The following CBFA2T3 variants were observed in gnomAD, a reference collection of about 807,000 sequenced individuals.
CBFA2T3 encodes transcriptional corepressor CBFA2T3.
CBFA2T3 carries 31 observed loss-of-function variants against 58.6 expected under a neutral mutation model. The observed-to-expected ratio is 0.53, with a 90% confidence interval of 0.40 to 0.71. The LOEUF (loss-of-function observed/expected upper bound fraction) is 0.71. Ranked by LOEUF, CBFA2T3 falls within the 30% of genes least tolerant of loss-of-function variation. The probability of loss-of-function intolerance (pLI) is 0.00; values close to 1 mark genes in which losing one functional copy is unlikely to be tolerated. For missense variants in CBFA2T3, 1,076 were observed against 963.1 expected, an observed-to-expected ratio of 1.12 and a Z score of -1.55; for synonymous variants, 531 against 421.9, an observed-to-expected ratio of 1.26 and a Z score of -3.17.
chr16:88,882,620 G>T, intron 8 of CBFA2T3, 56 bp downstream of exon 8: 2 of 1,119,330 alleles, frequency 1.8e-6, no homozygotes, highest in Non-Finnish European at 1.3e-6. Flanking sequence ...CTGTGTGTGT[G>T]CGTGGCTGTG....
At chr16:88,945,701 C>T (rs1374672578) in intron 1 of CBFA2T3, among the ~76,000 whole-genome samples, 1 of 152,178 alleles carries the variant, frequency 6.6e-6, no homozygotes, top group Non-Finnish European at 1.5e-5. Flanking sequence ...GCAACAGGAG[C>T]TGTCATTCAT....
intron 1 of CBFA2T3, among the ~76,000 whole-genome samples, chr16:88,943,094 C>T (rs1012081860): frequency 3.9e-5 from 6 of 152,240 alleles, no homozygotes; most frequent in African/African-American, 1.2e-4. Flanking sequence ...AACATTCTGC[C>T]GGTGATAATC....
At chr16:88,937,191 A>G (rs1007703933) in intron 1 of CBFA2T3, 2 of 152,258 alleles carry the variant, frequency 1.3e-5, no homozygotes, top group South Asian at 2.1e-4. Context: ...CAGGAAAGTC[A>G]GGAGGTGGAG....
chr16:88,949,675 T>A (rs988255199), intron 1 of CBFA2T3, among the ~76,000 whole-genome samples: 1 of 151,412 alleles, frequency 6.6e-6, no homozygotes, highest in Non-Finnish European at 1.5e-5. Flanking sequence ...GCACTCAAAA[T>A]AACGCTCAAC....
intron 1 of CBFA2T3, chr16:88,941,308 G>A (rs1168111403): frequency 3.1e-6 from 1 of 323,880 alleles, no homozygotes; most frequent in African/African-American, 2.3e-5. Flanking sequence ...TCCAGCCGCC[G>A]CGCCTGTGGC....
intron 1 of CBFA2T3, among the ~76,000 whole-genome samples, chr16:88,907,975 G>A (rs1970395170): frequency 6.6e-6 from 1 of 152,212 alleles, no homozygotes; most frequent in South Asian, 2.1e-4. Context: ...AAGAGGACAG[G>A]GAGAGAGTGC....
In CBFA2T3 at chr16:88,952,174, GC is replaced by G. The variant is rs561433945; in HGVS notation, c.151+24482del. On this transcript the variant is annotated intron_variant, in intron 1 of 11. Transcript: ENST00000268679. ...GAGACAGAGAGACTAATTTTTATCA[GC>G]CAGATACCTGGCCAGGCCCCAGGGT... is the stretch of plus-strand genomic sequence containing the variant. Among the ~76,000 whole-genome samples, 454 of 152,060 alleles carry G rather than the reference GC, an allele frequency of 3.0e-3. 3 individuals carry two copies. The highest frequency in any genetic ancestry group is 0.01 in the African/African-American group (427 of 41,502).
chr16:88,886,116 C>G lies in CBFA2T3; in HGVS notation c.738G>C (p.Glu246Asp). ...TGGCCAGGCGTGCACAGTGCAGGAG[C>G]TCCCGCTGCAGCAAGGGCAGGTTTG... is the stretch of plus-strand genomic sequence containing the variant. ...LKANLPLLQRELLHCARLAKQ... is the reference protein window; with the variant it reads ...LKANLPLLQRDLLHCARLAKQ... The change falls in exon 6 of 12, where the codon GAG (glutamate) becomes GAC (aspartate). Residue 246 changes from glutamate to aspartate, a missense_variant. Coordinates refer to ENST00000268679, the MANE Select transcript of CBFA2T3 (RefSeq NM_005187.6). 6 of 1,556,664 alleles carry G rather than the reference C, an allele frequency of 3.9e-6. No individual in the cohort carries two copies. Among genetic ancestry groups the G allele is most frequent in the Non-Finnish European group, 5.2e-6 (6 of 1,157,766 alleles).
chr16:88,898,568 T>C (rs1448005956), intron 2 of CBFA2T3, among the ~76,000 whole-genome samples: 1 of 152,238 alleles, frequency 6.6e-6, no homozygotes, highest in Admixed American at 6.5e-5. Flanking sequence ...GCGGGGCCCC[T>C]TGTTTTCATC....
chr16:88,915,884 C>G (rs1229954360), intron 1 of CBFA2T3, among the ~76,000 whole-genome samples: 1 of 152,036 alleles, frequency 6.6e-6, no homozygotes, highest in Non-Finnish European at 1.5e-5. Context: ...CTGCCACCTT[C>G]CCCTCTCAGG....
At position 88,958,518 on chromosome 16, in the gene CBFA2T3, TC is replaced by T. The variant is rs1972287603; in HGVS notation, c.151+18138del. On this transcript the variant is annotated intron_variant, in intron 1 of 11. Coordinates refer to ENST00000268679, the MANE Select transcript of CBFA2T3 (RefSeq NM_005187.6). The surrounding 1 kb of genome is among the most constrained non-coding windows in gnomAD (Gnocchi z 4.0). ...GTGCAGCGCTCGTGAGTGCCCCACATCCCTGGGCATCACACGCGTGTCGTCT... is the reference window on the plus strand; with the variant it reads ...GTGCAGCGCTCGTGAGTGCCCCACATCCTGGGCATCACACGCGTGTCGTCT... Among the ~76,000 whole-genome samples the T allele has an allele frequency of 6.6e-6, 1 of 152,036 alleles. No homozygotes were observed. The highest frequency in any genetic ancestry group is 1.5e-5 in the Non-Finnish European group (1 of 67,990).
At chr16:88,949,732 C>A (rs1251495688) in intron 1 of CBFA2T3, among the ~76,000 whole-genome samples, 1 of 151,934 alleles carries the variant, frequency 6.6e-6, no homozygotes, top group African/African-American at 2.4e-5. Context: ...CAAAAGGGAC[C>A]AGACACAGTA....
chr16:88,882,584 G>T, intron 8 of CBFA2T3, 92 bp downstream of exon 8: 1 of 408,382 alleles, frequency 2.4e-6, no homozygotes, highest in Non-Finnish European at 3.8e-6. Context: ...GGGCGTGGCT[G>T]TGTGTGCATG....
At chr16:88,877,924 G>A (rs2142523230) in intron 11 of CBFA2T3, among the ~76,000 whole-genome samples, 1 of 152,306 alleles carries the variant, frequency 6.6e-6, no homozygotes, top group South Asian at 2.1e-4. Context: ...GCCCAAACCT[G>A]CCCTAGGGGA....
In CBFA2T3 at chr16:88,876,386, G is replaced by A; in HGVS notation, c.*590C>T. The A allele has an allele frequency of 4.4e-6, 1 of 229,494 alleles. No homozygotes were observed. The highest frequency in any genetic ancestry group is 8.6e-6 in the Non-Finnish European group (1 of 115,680). 14.2% of individuals were successfully genotyped at this position (229,494 alleles called of 1,614,324 possible). ...TCAGCCTCACGCCCCTGGGGGAGGG[G>A]CACAGCTGGGTTCAGATCTCCAGCT... is the stretch of plus-strand genomic sequence containing the variant. On this transcript the variant is annotated 3_prime_UTR_variant, in exon 12 of 12. Transcript: ENST00000268679.
Position 88,881,689 on chromosome 16 carries a change from G to T in CBFA2T3, c.1204-200C>A, listed in dbSNP as rs59195308. On this transcript the variant is annotated intron_variant, in intron 8 of 11. Coordinates refer to ENST00000268679, the MANE Select transcript of CBFA2T3 (RefSeq NM_005187.6). ...AGCCTGGGACTGCCGAGCGCCTGGGGGTACCAGACTCACATGGACACGTGC... is the reference window on the plus strand; with the variant it reads ...AGCCTGGGACTGCCGAGCGCCTGGGTGTACCAGACTCACATGGACACGTGC... The T allele has an allele frequency of 1.5e-3, 860 of 561,742 alleles. 4 individuals are homozygous for T. The highest frequency in any genetic ancestry group is 0.014 in the African/African-American group (756 of 52,330). The allele number at this position is 561,742 out of a possible 1,614,324, so 34.8% of individuals were successfully genotyped here. A position where few individuals can be genotyped will look rare whatever the true frequency, so the allele number is the denominator to read the frequency against.
chr16:88,888,082 G>A (rs1288169903), intron 5 of CBFA2T3, among the ~76,000 whole-genome samples: 2 of 152,044 alleles, frequency 1.3e-5, no homozygotes, highest in Non-Finnish European at 2.9e-5. Context: ...CAGACTCCGG[G>A]GAGCTCCGGG....
intron 8 of CBFA2T3, among the ~76,000 whole-genome samples, chr16:88,882,048 G>C (rs981485928): frequency 1.3e-5 from 2 of 152,256 alleles, no homozygotes; most frequent in Admixed American, 6.5e-5. Context: ...AGTAAGTGGA[G>C]GGAAGCAAGG....
Position 88,886,109 on chromosome 16 carries a change from G to A in CBFA2T3, c.745C>T (p.His249Tyr), listed in dbSNP as rs143682187. 36 of 1,563,986 alleles carry A rather than the reference G, an allele frequency of 2.3e-5. No individual in the cohort carries two copies. In the African/African-American group the frequency reaches 3.4e-4, roughly 15 times the overall value. The change falls in exon 6 of 12, where the codon CAC (histidine) becomes TAC (tyrosine). Residue 249 changes from histidine (H) to tyrosine (Y), a missense_variant. Physicochemically the swap from His to Tyr is moderately conservative, Grantham distance 83. Coordinates refer to ENST00000268679, the MANE Select transcript of CBFA2T3 (RefSeq NM_005187.6). ...GTCTGCTTGGCCAGGCGTGCACAGT[G>A]CAGGAGCTCCCGCTGCAGCAAGGGC... The part of the protein sequence containing the change: ...NLPLLQRELL[H>Y]CARLAKQTPA...
Sources: gnomAD v4.1 joint callset for allele counts (sites outside exome capture counted in the v4.1 genomes callset) on GRCh38, gnomAD v4.1.1 for gene constraint, Gnocchi (gnomAD v3.1) non-coding constraint, MANE v1.5 for transcripts, NCBI Gene and HGNC (gene_info 2026-07-23, HGNC 2026-07-21) for gene names.